Variants in MFSD11 observed in about 807,000 individuals in gnomAD.
MFSD11 encodes UNC93-like protein MFSD11.
MFSD11 carries 36 observed loss-of-function variants against 53.5 expected under a neutral mutation model. The ratio of observed to expected loss-of-function variants is 0.67; its 90% CI spans 0.52 to 0.89. MFSD11 has a LOEUF of 0.89. Ranked by LOEUF, MFSD11 falls within the 40% of genes least tolerant of loss-of-function variation. MFSD11 has a pLI of 0.00. For missense variants in MFSD11, 530 were observed against 543.9 expected, an observed-to-expected ratio of 0.97 and a Z score of 0.25; for synonymous variants, 186 against 184.9, an observed-to-expected ratio of 1.01 and a Z score of -0.05.
Position 76,742,420 on chromosome 17 carries a change from A to C in MFSD11, c.437+147A>C, listed in dbSNP as rs2078179111. 3 of 675,678 alleles carry C rather than the reference A, an allele frequency of 4.4e-6. No homozygotes were observed. In the East Asian group the frequency reaches 8.1e-5, roughly 18 times the overall value. The allele number at this position is 675,678 out of a possible 1,614,324, so 41.9% of individuals were successfully genotyped here. On this transcript the variant is annotated intron_variant, in intron 5 of 12. Coordinates refer to ENST00000685175, the MANE Select transcript of MFSD11 (RefSeq NM_001242532.5). ...TGTGACGTGATTCCAATTTTATAGAATCACTTGTAATAATGGCTGAGTATG... is the reference window on the plus strand; with the variant it reads ...TGTGACGTGATTCCAATTTTATAGACTCACTTGTAATAATGGCTGAGTATG...
At chr17:76,785,106 T>C (rs78606880), downstream of MFSD11, among the ~76,000 whole-genome samples, 14,096 of 152,254 alleles carry the variant, frequency 0.093, 2,127 homozygotes, top group African/African-American at 0.32. Flanking sequence ...AATGTACGTC[T>C]ATACAATGAA....
At chr17:76,786,588 A>G in the MFSD11 span, among the ~76,000 whole-genome samples, 2 of 152,200 alleles carry the variant, frequency 1.3e-5, no homozygotes, top group African/African-American at 2.4e-5. Flanking sequence ...CAGGCTTCCT[A>G]TGCTCTCTCC....
rs554747936 is a variant in MFSD11 at position 76,739,448 on chromosome 17, A to T, written c.152+455A>T. Among the ~76,000 whole-genome samples the T allele has an allele frequency of 8.1e-4, 123 of 152,328 alleles. No homozygotes were observed. The South Asian group carries it at 0.013, about 16-fold the overall frequency. On this transcript the variant is annotated intron_variant, in intron 2 of 12. Coordinates refer to ENST00000685175, the MANE Select transcript of MFSD11 (RefSeq NM_001242532.5). ...GAGCTTTTAGATTTTTGTTAAGGTG[A>T]TTAGTCCCAATTTTACAGATGGGTA...
chr17:76,745,765 G>C (rs1352755608), intron 7 of MFSD11, among the ~76,000 whole-genome samples: 1 of 152,072 alleles, frequency 6.6e-6, no homozygotes, highest in African/African-American at 2.4e-5. Flanking sequence ...TAGCCTCTAT[G>C]TGTTAAAGTG....
intron 9 of MFSD11, 77 bp downstream of exon 9, chr17:76,767,528 T>C (rs1031041282): frequency 1.3e-5 from 12 of 907,260 alleles, no homozygotes; most frequent in African/African-American, 1.2e-4. Flanking sequence ...CGTTATTATT[T>C]CTCACAATTC....
intron 10 of MFSD11, among the ~76,000 whole-genome samples, chr17:76,771,691 G>A (rs1353344308): frequency 1.3e-5 from 2 of 152,228 alleles, no homozygotes; most frequent in African/African-American, 2.4e-5. Flanking sequence ...TGAGTTAAAT[G>A]TGTTGAATGA....
chr17:76,787,195 G>A, the MFSD11 span, among the ~76,000 whole-genome samples: 1 of 150,642 alleles, frequency 6.6e-6, no homozygotes, highest in Admixed American at 6.6e-5. Context: ...GAGTGCGGTG[G>A]TGTGATCTCG....
At chr17:76,797,309 T>G in the MFSD11 span, among the ~76,000 whole-genome samples, 1 of 152,194 alleles carries the variant, frequency 6.6e-6, no homozygotes, top group Non-Finnish European at 1.5e-5. Context: ...ATGGATTTTT[T>G]AAGAGTTTTC....
intron 10 of MFSD11, among the ~76,000 whole-genome samples, chr17:76,772,026 G>C (rs2081407380): frequency 6.6e-6 from 1 of 152,124 alleles, no homozygotes; most frequent in African/African-American, 2.4e-5. Context: ...GTCTTCTCTG[G>C]TAAGTGCTTG....
chr17:76,786,332 A>T (rs1044781162), downstream of MFSD11, among the ~76,000 whole-genome samples: 1 of 151,850 alleles, frequency 6.6e-6, no homozygotes, highest in Non-Finnish European at 1.5e-5. Flanking sequence ...TTTAGTAGAG[A>T]CAGGGTTTCG....
the MFSD11 span, among the ~76,000 whole-genome samples, chr17:76,787,433 G>A: frequency 2.0e-5 from 3 of 149,930 alleles, no homozygotes; most frequent in African/African-American, 4.9e-5. Context: ...CACCGCACCC[G>A]ACCAGATGTG....
At chr17:76,749,472 T>C (rs544014400) in intron 7 of MFSD11, among the ~76,000 whole-genome samples, 31 of 150,612 alleles carry the variant, frequency 2.1e-4, no homozygotes, top group Middle Eastern at 6.9e-3. Context: ...GAGGTTGCAG[T>C]GAGCCAAGAT....
At chr17:76,765,458 T>TTA (rs2080753725) in intron 8 of MFSD11, among the ~76,000 whole-genome samples, 1 of 113,820 alleles carries the variant, frequency 8.8e-6, no homozygotes, top group Non-Finnish European at 1.6e-5. Context: ...TTTCCTTTTT[T>TTA]TTTTTTTTTT....
chr17:76,756,971 C>G (rs1263089977), intron 8 of MFSD11, among the ~76,000 whole-genome samples: 1 of 152,018 alleles, frequency 6.6e-6, no homozygotes, highest in East Asian at 1.9e-4. Flanking sequence ...TGGCACTTGA[C>G]ATTTCTTAGT....
intron 7 of MFSD11, among the ~76,000 whole-genome samples, chr17:76,745,770 A>G (rs2078479102): frequency 6.6e-6 from 1 of 152,156 alleles, no homozygotes; most frequent in South Asian, 2.1e-4. Context: ...TCTATGTGTT[A>G]AAGTGAAAGG....
chr17:76,789,929 G>T, the MFSD11 span, among the ~76,000 whole-genome samples: 1 of 150,040 alleles, frequency 6.7e-6, no homozygotes, highest in Non-Finnish European at 1.5e-5. Context: ...GTGTTTATTG[G>T]TTAAGAGATA....
At chr17:76,772,322 G>C (rs1476866707) in intron 10 of MFSD11, among the ~76,000 whole-genome samples, 1 of 151,718 alleles carries the variant, frequency 6.6e-6, no homozygotes, top group Non-Finnish European at 1.5e-5. Context: ...CTACTTGGGA[G>C]GCTGAAGTGG....
chr17:76,754,408 C>T (rs955775617), intron 8 of MFSD11, among the ~76,000 whole-genome samples: 23 of 152,212 alleles, frequency 1.5e-4, no homozygotes, highest in African/African-American at 4.3e-4. Flanking sequence ...TGTGGCTGCG[C>T]GCAGTGACTC....
At chr17:76,769,968 GT>G (rs1015465934) in intron 10 of MFSD11, 97 bp downstream of exon 10, 4 of 1,005,896 alleles carry the variant, frequency 4.0e-6, no homozygotes, top group African/African-American at 3.6e-5. Flanking sequence ...TTGAATTTCT[GT>G]TTTTTCTACT....
Sources: gnomAD v4.1 joint callset for allele counts (sites outside exome capture counted in the v4.1 genomes callset) on GRCh38, gnomAD v4.1.1 for gene constraint, MANE v1.5 for transcripts, NCBI Gene and HGNC (gene_info 2026-07-23, HGNC 2026-07-21) for gene names.